Variants in RPS6KC1 observed in about 807,000 individuals in gnomAD.
RPS6KC1 encodes the protein inactive ribosomal protein S6 kinase delta-1.
In RPS6KC1, 54 loss-of-function variants were observed where a neutral mutation model predicts 103.8. That is an observed-to-expected ratio of 0.52 (90% CI 0.42 to 0.65). RPS6KC1 has a LOEUF of 0.65. Among genes scored for constraint, RPS6KC1 ranks in the 30% least tolerant of loss-of-function variants. RPS6KC1 has a pLI of 0.00. For synonymous variants in RPS6KC1, 439 were observed against 438.7 expected (o/e 1.00, Z -0.01); for missense variants, 1,151 against 1,253.8 (o/e 0.92, Z 1.24).
chr1:213,783,581 G>A, the RPS6KC1 span, among the ~76,000 whole-genome samples: 1,789 of 152,126 alleles, frequency 0.012, 39 homozygotes, highest in African/African-American at 0.041. Context: ...CAAAAGGCGA[G>A]GTGGTATTAA....
Position 213,241,985 on chromosome 1 carries a change from A to G in RPS6KC1, c.2509A>G (p.Thr837Ala). The G allele has an allele frequency of 3.1e-6, 5 of 1,614,092 alleles. No individual in the cohort carries two copies. The highest frequency in any genetic ancestry group is 1.1e-5 in the South Asian group (1 of 91,080). The change falls in exon 11 of 15, where the codon ACT (threonine) becomes GCT (alanine). Residue 837 changes from threonine to alanine, a missense_variant. Coordinates refer to ENST00000366960, the MANE Select transcript of RPS6KC1 (RefSeq NM_012424.6). The stretch of plus-strand genomic sequence containing the variant: ...TAATGAATATATTGCAAGCACAGAC[A>G]CTTTAAAAACAGAAGAAGTATTGCT... ...GANEYIASTD[T>A]LKTEEVLLFT...
chr1:213,125,620 A>C (rs1318664561), intron 5 of RPS6KC1: 1 of 115,418 alleles, frequency 8.7e-6, no homozygotes, highest in African/African-American at 3.2e-5. Flanking sequence ...TCTCTTTTTT[A>C]TCTGCTTGTG....
At chr1:213,217,239 A>G (rs570830138) in intron 8 of RPS6KC1, among the ~76,000 whole-genome samples, 1 of 151,958 alleles carries the variant, frequency 6.6e-6, no homozygotes, top group African/African-American at 2.4e-5. Flanking sequence ...GAATACTATA[A>G]ACACCTCTAC....
chr1:213,762,864 GTTTTTTTTTTTTTTTGAGACGGAGTC>G, the RPS6KC1 span, among the ~76,000 whole-genome samples: 1 of 140,724 alleles, frequency 7.1e-6, no homozygotes, highest in Non-Finnish European at 1.5e-5. Flanking sequence ...ATTTTTTTAC[GTTTTTTTTTTTTTTTGAGACGGAGTC>G]TCTCCCTGTC....
At chr1:213,462,956 G>A in the RPS6KC1 span, among the ~76,000 whole-genome samples, 7 of 152,266 alleles carry the variant, frequency 4.6e-5, no homozygotes, top group African/African-American at 1.4e-4. Context: ...TTATTTGCAT[G>A]TGGATACATG....
At chr1:213,136,648 T>A (rs927909703) in intron 6 of RPS6KC1, among the ~76,000 whole-genome samples, 3 of 152,172 alleles carry the variant, frequency 2.0e-5, no homozygotes, top group Non-Finnish European at 4.4e-5. Flanking sequence ...CTACTTTTTT[T>A]AAACTTTTAA....
At chr1:213,754,326 C>A in the RPS6KC1 span, among the ~76,000 whole-genome samples, 1 of 152,222 alleles carries the variant, frequency 6.6e-6, no homozygotes, top group African/African-American at 2.4e-5. Flanking sequence ...GAGGGTCCCA[C>A]CCTCATGGCA....
the RPS6KC1 span, among the ~76,000 whole-genome samples, chr1:213,562,879 G>T: frequency 6.6e-6 from 1 of 151,532 alleles, no homozygotes; most frequent in Non-Finnish European, 1.5e-5. Flanking sequence ...GCCCAGGCTG[G>T]TCTTGAACTC....
At chr1:213,513,393 A>T in the RPS6KC1 span, among the ~76,000 whole-genome samples, 13 of 152,238 alleles carry the variant, frequency 8.5e-5, no homozygotes, top group East Asian at 7.7e-4. Context: ...AGTTTGTTAT[A>T]TAAGCAGCAA....
the RPS6KC1 span, among the ~76,000 whole-genome samples, chr1:213,371,158 G>A: frequency 1.3e-4 from 19 of 151,924 alleles, 1 homozygote; most frequent in East Asian, 3.5e-3. Context: ...TGCTGGCCCT[G>A]TGAATTTGAC....
the RPS6KC1 span, among the ~76,000 whole-genome samples, chr1:213,471,641 G>A: frequency 1.3e-5 from 2 of 152,108 alleles, no homozygotes; most frequent in African/African-American, 4.8e-5. Context: ...TATAGTTGGG[G>A]TGGGAATGAA....
the RPS6KC1 span, among the ~76,000 whole-genome samples, chr1:213,384,130 G>T: frequency 6.6e-6 from 1 of 152,012 alleles, no homozygotes; most frequent in African/African-American, 2.4e-5. Context: ...CAAAAAATTA[G>T]CTGGGTGTGG....
At chr1:213,239,996 C>A (rs907167416) in intron 10 of RPS6KC1, among the ~76,000 whole-genome samples, 1 of 152,012 alleles carries the variant, frequency 6.6e-6, no homozygotes, top group African/African-American at 2.4e-5. Flanking sequence ...CTCTGATTTA[C>A]ATGAAAGTGA....
In RPS6KC1 at chr1:213,232,270, T is replaced by C; in HGVS notation, c.1225+15T>C. ...GCATGCGGAAGGTTGGTTTGTAGTT[T>C]GGATTGTTTATGCAGTGAAGAATGT... On this transcript the variant is annotated intron_variant, in intron 10 of 14. Coordinates refer to ENST00000366960, the MANE Select transcript of RPS6KC1 (RefSeq NM_012424.6). The C allele has an allele frequency of 6.2e-7, 1 of 1,613,864 alleles. No individual in the cohort carries two copies. Among genetic ancestry groups the C allele is most frequent in the Non-Finnish European group, 8.5e-7 (1 of 1,179,772 alleles).
intron 14 of RPS6KC1, among the ~76,000 whole-genome samples, chr1:213,269,542 C>G (rs2094991510): frequency 6.6e-6 from 1 of 152,066 alleles, no homozygotes; most frequent in Admixed American, 6.6e-5. Flanking sequence ...CAAGTTTTAG[C>G]ATTTAAAGGA....
the RPS6KC1 span, among the ~76,000 whole-genome samples, chr1:213,426,036 C>T: frequency 6.6e-6 from 1 of 151,838 alleles, no homozygotes; most frequent in Admixed American, 6.6e-5. Flanking sequence ...TGTTCCTTTT[C>T]TTCTTCTTCT....
At chr1:213,121,121 A>G (rs1398049188) in intron 5 of RPS6KC1, among the ~76,000 whole-genome samples, 1 of 152,152 alleles carries the variant, frequency 6.6e-6, no homozygotes, top group East Asian at 1.9e-4. Context: ...TTTTGTAGAA[A>G]TGGGGTCTCA....
chr1:213,685,065 G>C, the RPS6KC1 span, among the ~76,000 whole-genome samples: 1 of 152,062 alleles, frequency 6.6e-6, no homozygotes, highest in Non-Finnish European at 1.5e-5. Context: ...TTTATTTCTT[G>C]CTTCTACATC....
At chr1:213,205,543 T>TATATATATATATATAAATAC in intron 8 of RPS6KC1, among the ~76,000 whole-genome samples, 1 of 110,114 alleles carries the variant, frequency 9.1e-6, no homozygotes, top group East Asian at 2.4e-4. Flanking sequence ...CATTTATATA[T>TATATATATATATATAAATAC]ATAGATATAT....
Sources: gnomAD v4.1 joint callset for allele counts (sites outside exome capture counted in the v4.1 genomes callset) on GRCh38, gnomAD v4.1.1 for gene constraint, MANE v1.5 for transcripts, NCBI Gene and HGNC (gene_info 2026-07-23, HGNC 2026-07-21) for gene names.